The following CEP112 variants were observed in gnomAD, a reference collection of about 807,000 sequenced individuals.
The protein encoded by CEP112 is centrosomal protein of 112 kDa.
Under a neutral mutation model 153.0 loss-of-function variants are expected in CEP112, and 127 were observed. The observed-to-expected ratio is 0.83, with a 90% CI of 0.72 to 0.96. CEP112 has a LOEUF of 0.96. Ranked by LOEUF, CEP112 falls within the 40% of genes least tolerant of loss-of-function variation. The pLI, the probability that CEP112 is intolerant of heterozygous loss-of-function variation, is 0.00. For missense variants in CEP112, 1,089 were observed against 1,101.2 expected (o/e 0.99, Z 0.16); for synonymous variants, 358 against 374.4 (o/e 0.96, Z 0.51).
intron 18 of CEP112, among the ~76,000 whole-genome samples, chr17:65,949,519 G>A (rs1357274719): frequency 1.3e-5 from 2 of 152,184 alleles, no homozygotes. Flanking sequence ...GGGGGAATTT[G>A]AGGGGATCCT....
chr17:65,704,169 C>G (rs1378677974), intron 23 of CEP112, among the ~76,000 whole-genome samples: 1 of 151,974 alleles, frequency 6.6e-6, no homozygotes, highest in Non-Finnish European at 1.5e-5. Context: ...CCATGGACAC[C>G]AAGGATTGCT....
At chr17:66,011,865 T>C (rs935451264) in intron 16 of CEP112, among the ~76,000 whole-genome samples, 2 of 152,232 alleles carry the variant, frequency 1.3e-5, no homozygotes, top group African/African-American at 2.4e-5. Context: ...AGTCTTTTCA[T>C]AGGTCTCTAA....
intron 23 of CEP112, among the ~76,000 whole-genome samples, chr17:65,725,947 C>A (rs575874996): frequency 6.6e-6 from 1 of 152,254 alleles, no homozygotes; most frequent in Admixed American, 6.5e-5. Context: ...TATCAGCCAC[C>A]ATGTCAGGCC....
At chr17:66,047,013 C>T (rs2066239584) in intron 12 of CEP112, among the ~76,000 whole-genome samples, 1 of 152,216 alleles carries the variant, frequency 6.6e-6, no homozygotes, top group Admixed American at 6.5e-5. Context: ...CTTTAAGCCA[C>T]TCGGTTTGTG....
chr17:66,163,759 T>G (rs117710006), intron 4 of CEP112, among the ~76,000 whole-genome samples: 5,182 of 152,226 alleles, frequency 0.034, 130 homozygotes, highest in Middle Eastern at 0.061. Flanking sequence ...TATCTCTGAC[T>G]TAGAACACTC....
chr17:66,150,579 T>C (rs2071164796), intron 4 of CEP112, among the ~76,000 whole-genome samples: 2 of 152,308 alleles, frequency 1.3e-5, no homozygotes, highest in South Asian at 2.1e-4. Flanking sequence ...TATTGAATTG[T>C]TCAAGTCCTC....
chr17:66,110,537 C>T (rs564619019), intron 6 of CEP112, among the ~76,000 whole-genome samples: 64 of 151,858 alleles, frequency 4.2e-4, no homozygotes, highest in African/African-American at 1.4e-3. Flanking sequence ...AAAATCAGAT[C>T]ACTTCCTCAC....
chr17:65,720,705 A>G (rs1464003668), intron 23 of CEP112, among the ~76,000 whole-genome samples: 1 of 152,240 alleles, frequency 6.6e-6, no homozygotes, highest in Non-Finnish European at 1.5e-5. Context: ...ACACTTGAAC[A>G]TATCTCAACA....
At chr17:66,115,802 T>C (rs2069262633) in intron 6 of CEP112, among the ~76,000 whole-genome samples, 1 of 152,204 alleles carries the variant, frequency 6.6e-6, no homozygotes, top group African/African-American at 2.4e-5. Flanking sequence ...AATTAAAGCC[T>C]TCTTCCTTGG....
At chr17:65,947,770 T>C (rs928580565) in intron 18 of CEP112, among the ~76,000 whole-genome samples, 3 of 152,142 alleles carry the variant, frequency 2.0e-5, no homozygotes, top group African/African-American at 7.2e-5. Context: ...TAAAATTTTA[T>C]CTCTGCTACC....
intron 23 of CEP112, among the ~76,000 whole-genome samples, chr17:65,727,652 C>T (rs2050253698): frequency 6.6e-6 from 1 of 152,094 alleles, no homozygotes; most frequent in South Asian, 2.1e-4. Context: ...CCCTGATAGA[C>T]TGGAAAGAAG....
chr17:65,824,883 G>A (rs560194916), intron 21 of CEP112, among the ~76,000 whole-genome samples: 133 of 152,310 alleles, frequency 8.7e-4, no homozygotes, highest in South Asian at 3.3e-3. Flanking sequence ...CTGCCGATGG[G>A]AATGTAAAAT....
At chr17:65,863,914 C>T (rs191740409) in intron 20 of CEP112, among the ~76,000 whole-genome samples, 156 of 151,672 alleles carry the variant, frequency 1.0e-3, no homozygotes, top group African/African-American at 3.7e-3. Context: ...GAGGCCAAGG[C>T]AAGCAGATCA....
At chr17:65,822,989 T>C (rs912385293) in intron 21 of CEP112, among the ~76,000 whole-genome samples, 2 of 152,092 alleles carry the variant, frequency 1.3e-5, no homozygotes, top group African/African-American at 4.8e-5. Flanking sequence ...TGATTCAATA[T>C]CATCTAACAA....
rs558860609 is a variant in CEP112, at chr17:66,099,443, G to T, written c.643-2811C>A. On this transcript the variant is annotated intron_variant, in intron 6 of 26. Transcript: ENST00000535342. ...CTCTTGAACCCAAGAGGTGGAGGTT[G>T]CAGTGAGCTGAGATCATGCCACTGC... is the stretch of plus-strand genomic sequence containing the variant. Among the ~76,000 whole-genome samples, 24 of 147,924 alleles carry T rather than the reference G, an allele frequency of 1.6e-4. No homozygotes were observed. The South Asian group carries it at 5.2e-3, about 32-fold the overall frequency.
intron 20 of CEP112, among the ~76,000 whole-genome samples, chr17:65,865,643 G>A (rs2146441085): frequency 6.6e-6 from 1 of 152,278 alleles, no homozygotes; most frequent in African/African-American, 2.4e-5. Context: ...GGTGCAGCTG[G>A]GGACTCCTGA....
intron 21 of CEP112, among the ~76,000 whole-genome samples, chr17:65,784,111 G>A (rs1240712129): frequency 6.6e-6 from 1 of 152,218 alleles, no homozygotes; most frequent in Non-Finnish European, 1.5e-5. Context: ...ACAAACACTA[G>A]GTTCTTTATG....
At chr17:65,723,165 G>A (rs528803774) in intron 23 of CEP112, among the ~76,000 whole-genome samples, 1 of 152,286 alleles carries the variant, frequency 6.6e-6, no homozygotes, top group South Asian at 2.1e-4. Flanking sequence ...AACTGCTTCT[G>A]TGTTCTGTTC....
chr17:65,990,944 G>A (rs531625339), intron 17 of CEP112, among the ~76,000 whole-genome samples: 5 of 152,308 alleles, frequency 3.3e-5, no homozygotes, highest in South Asian at 2.1e-4. Flanking sequence ...CTGTCACAGC[G>A]GAGATCTGGC....
Sources: gnomAD v4.1 joint callset for allele counts (sites outside exome capture counted in the v4.1 genomes callset) on GRCh38, gnomAD v4.1.1 for gene constraint, MANE v1.5 for transcripts, NCBI Gene and HGNC (gene_info 2026-07-23, HGNC 2026-07-21) for gene names.